The following ROCK2 variants were observed in gnomAD, a reference collection of about 807,000 sequenced individuals.
The protein encoded by ROCK2 is rho-associated protein kinase 2.
Under a neutral mutation model 195.1 loss-of-function variants are expected in ROCK2, and 61 were observed. The observed-to-expected ratio is 0.31, with a 90% CI of 0.25 to 0.39. The LOEUF (loss-of-function observed/expected upper bound fraction) is 0.39. ROCK2 is among the 10% of genes least tolerant of loss of function. ROCK2 has a pLI of 1.00. For missense variants in ROCK2, 1,109 were observed against 1,637.4 expected, an observed-to-expected ratio of 0.68 and a Z score of 5.57; for synonymous variants, 504 against 545.5, an observed-to-expected ratio of 0.92 and a Z score of 1.06.
At chr2:11,238,207 A>AGTGTGTGTGT (rs764814189) in intron 4 of ROCK2, among the ~76,000 whole-genome samples, 113 of 36,064 alleles carry the variant, frequency 3.1e-3, no homozygotes, top group African/African-American at 9.6e-3. Flanking sequence ...AAATTGAGAA[A>AGTGTGTGTGT]GAGTGTGTGT....
chr2:11,216,873 G>A lies in ROCK2; in HGVS notation c.1412+217C>T, dbSNP rs1257248667. Among the ~76,000 whole-genome samples, 5 of 152,106 alleles carry A rather than the reference G, an allele frequency of 3.3e-5. No individual in the cohort carries two copies. In the South Asian group the frequency reaches 8.3e-4, roughly 25 times the overall value. ...CAGGTAGCTGGGATTACAGGCACCCGCCACCATGCCCAGCTAATTTTTGTA... is the reference window on the plus strand; with the variant it reads ...CAGGTAGCTGGGATTACAGGCACCCACCACCATGCCCAGCTAATTTTTGTA... On this transcript the variant is annotated intron_variant, in intron 12 of 32. Coordinates refer to ENST00000315872, the MANE Select transcript of ROCK2 (RefSeq NM_004850.5).
intron 3 of ROCK2, among the ~76,000 whole-genome samples, chr2:11,273,612 C>G (rs1666724506): frequency 6.6e-6 from 1 of 151,980 alleles, no homozygotes; most frequent in African/African-American, 2.4e-5. Context: ...AGTAAAGAAA[C>G]AGAGGACTTA....
chr2:11,342,014 T>TA (rs1457313327), intron 1 of ROCK2, among the ~76,000 whole-genome samples: 4 of 152,078 alleles, frequency 2.6e-5, no homozygotes, highest in Admixed American at 1.3e-4. Context: ...GCTACCACAA[T>TA]AAAAAATCCA....
intron 32 of ROCK2, among the ~76,000 whole-genome samples, chr2:11,187,640 A>T (rs1199414509): frequency 6.6e-6 from 1 of 152,156 alleles, no homozygotes; most frequent in African/African-American, 2.4e-5. Flanking sequence ...AACTTTTCGT[A>T]TGTGAAGATA....
chr2:11,340,963 C>T, intron 1 of ROCK2, among the ~76,000 whole-genome samples: 2 of 152,026 alleles, frequency 1.3e-5, no homozygotes, highest in Non-Finnish European at 2.9e-5. Flanking sequence ...AAGCCTGAAA[C>T]ACAGTTCTTT....
intron 1 of ROCK2, among the ~76,000 whole-genome samples, chr2:11,314,461 A>G (rs377284615): frequency 6.6e-6 from 1 of 151,976 alleles, no homozygotes; most frequent in East Asian, 1.9e-4. Context: ...TGGTACCAAC[A>G]TATTACAATT....
At chr2:11,308,376 G>T (rs1413876636) in intron 1 of ROCK2, 16 of 1,456,064 alleles carry the variant, frequency 1.1e-5, no homozygotes, top group South Asian at 5.7e-5. Flanking sequence ...CCATTAAGAA[G>T]AATTTTGGCA....
chr2:11,216,374 C>A (rs985417405), intron 12 of ROCK2, among the ~76,000 whole-genome samples, 168 bp from the exon 13 acceptor site: 2 of 152,190 alleles, frequency 1.3e-5, no homozygotes, highest in Non-Finnish European at 1.5e-5. Flanking sequence ...TCTTGGCTCA[C>A]TACAATGCCT....
At chr2:11,218,286 G>T in intron 11 of ROCK2, 169 bp downstream of exon 11, 1 of 453,380 alleles carries the variant, frequency 2.2e-6, no homozygotes. Flanking sequence ...ATTTTAAACA[G>T]ATCCACAGAA....
intron 7 of ROCK2, among the ~76,000 whole-genome samples, chr2:11,223,212 T>C (rs984537080): frequency 6.6e-6 from 1 of 152,198 alleles, no homozygotes; most frequent in Non-Finnish European, 1.5e-5. Context: ...GTCAACCATG[T>C]AATTGACAGG....
chr2:11,280,517 G>C (rs566375565), intron 3 of ROCK2, among the ~76,000 whole-genome samples: 8 of 151,782 alleles, frequency 5.3e-5, no homozygotes, highest in East Asian at 1.9e-4. Flanking sequence ...TGTAGTCTCA[G>C]CTACTAGGAG....
Position 11,197,765 on chromosome 2 carries a change from T to C in ROCK2, c.3100-60A>G. ...TAAAATAAATTACGTTTATGGTTTCTCAGTATCTCATCAAGAGCAACAAGT... is the reference window on the plus strand; with the variant it reads ...TAAAATAAATTACGTTTATGGTTTCCCAGTATCTCATCAAGAGCAACAAGT... On this transcript the variant is annotated intron_variant, in intron 25 of 32. Coordinates refer to ENST00000315872, the MANE Select transcript of ROCK2 (RefSeq NM_004850.5). This position sits in a 1 kb window ranked among gnomAD's most constrained non-coding sequence, Gnocchi z 4.9. 8.4e-7 allele frequency: 1 copy of C among 1,186,146 alleles called. No individual in the cohort carries two copies. The highest frequency in any genetic ancestry group is 1.1e-6 in the Non-Finnish European group (1 of 896,286). The allele number at this position is 1,186,146 out of a possible 1,614,324, so 73.5% of individuals were successfully genotyped here.
chr2:11,282,046 T>G (rs1438491063), intron 3 of ROCK2, among the ~76,000 whole-genome samples: 2 of 152,088 alleles, frequency 1.3e-5, no homozygotes, highest in East Asian at 1.9e-4. Context: ...AGACCCAGAA[T>G]AGCCAACAAA....
intron 1 of ROCK2, chr2:11,307,945 G>A: frequency 6.9e-7 from 1 of 1,446,308 alleles, no homozygotes; most frequent in Non-Finnish European, 9.1e-7. Context: ...TTAATGTCAG[G>A]GCCAGGCCTG....
chr2:11,323,598 T>C (rs1327668511), intron 1 of ROCK2, among the ~76,000 whole-genome samples: 1 of 152,200 alleles, frequency 6.6e-6, no homozygotes, highest in African/African-American at 2.4e-5. Flanking sequence ...GAGGTCATAA[T>C]TTTTTAGAAA....
At chr2:11,343,371 T>A (rs982288010) in intron 1 of ROCK2, among the ~76,000 whole-genome samples, 10 of 152,210 alleles carry the variant, frequency 6.6e-5, no homozygotes, top group Non-Finnish European at 1.0e-4. Flanking sequence ...AGAGGACAGA[T>A]TTATTCCACT....
chr2:11,323,704 A>T (rs1668465014), intron 1 of ROCK2, among the ~76,000 whole-genome samples: 1 of 152,220 alleles, frequency 6.6e-6, no homozygotes, highest in Admixed American at 6.5e-5. Flanking sequence ...GAGCAGTTAG[A>T]GGTTCACATC....
chr2:11,334,698 T>C (rs1668871590), intron 1 of ROCK2, among the ~76,000 whole-genome samples: 1 of 140,298 alleles, frequency 7.1e-6, no homozygotes, highest in Non-Finnish European at 1.7e-5. Flanking sequence ...ATCATGCAGG[T>C]AATTAAGACA....
chr2:11,341,539 T>A (rs1263723054), intron 1 of ROCK2, among the ~76,000 whole-genome samples: 1 of 152,210 alleles, frequency 6.6e-6, no homozygotes, highest in African/African-American at 2.4e-5. Flanking sequence ...CCTAGCCCAC[T>A]GAAAGCATCA....
Sources: gnomAD v4.1 joint callset for allele counts (sites outside exome capture counted in the v4.1 genomes callset) on GRCh38, gnomAD v4.1.1 for gene constraint, Gnocchi (gnomAD v3.1) non-coding constraint, MANE v1.5 for transcripts, NCBI Gene and HGNC (gene_info 2026-07-23, HGNC 2026-07-21) for gene names.